Variants in EYS observed in about 807,000 individuals in gnomAD.
EYS encodes the protein EGF-like photoreceptor maintenance factor.
A neutral mutation model predicts 282.1 loss-of-function variants in EYS; 250 were observed. The ratio of observed to expected loss-of-function variants is 0.89; its 90% CI spans 0.80 to 0.98. The LOEUF (loss-of-function observed/expected upper bound fraction) is 0.98, where lower values mean the gene tolerates loss of function less well. EYS is among the 50% of genes least tolerant of loss of function. The probability of loss-of-function intolerance (pLI) is 0.00; values close to 1 mark genes in which losing one functional copy is unlikely to be tolerated. For missense variants in EYS, 4,016 were observed against 3,709.0 expected (o/e 1.08, Z -2.15); for synonymous variants, 1,355 against 1,282.9 (o/e 1.06, Z -1.20).
At chr6:64,384,498 A>T (rs1449119486) in intron 29 of EYS, among the ~76,000 whole-genome samples, 1 of 152,196 alleles carries the variant, frequency 6.6e-6, no homozygotes, top group Admixed American at 6.6e-5. Context: ...CTGCATATAT[A>T]AAAAACAAAT....
chr6:64,709,875 AT>A (rs1771149176), intron 22 of EYS, among the ~76,000 whole-genome samples: 1 of 152,208 alleles, frequency 6.6e-6, no homozygotes, highest in Non-Finnish European at 1.5e-5. Context: ...TTTTCAAAAT[AT>A]TTTTAACCTG....
intron 33 of EYS, among the ~76,000 whole-genome samples, chr6:64,025,144 T>G (rs114935500): frequency 6.6e-6 from 1 of 152,096 alleles, no homozygotes; most frequent in East Asian, 1.9e-4. Flanking sequence ...TGTCAGCCAG[T>G]TAAAAGCAAC....
At chr6:63,838,249 G>T (rs867344717) in intron 36 of EYS, among the ~76,000 whole-genome samples, 38 of 150,784 alleles carry the variant, frequency 2.5e-4, no homozygotes, top group African/African-American at 9.0e-4. Flanking sequence ...CTTTTAGCCT[G>T]CCGTGTAATT....
chr6:64,081,779 G>A (rs1003977970), intron 32 of EYS, 77 bp downstream of exon 32: 1 of 1,196,276 alleles, frequency 8.4e-7, no homozygotes, highest in Admixed American at 3.0e-5. Flanking sequence ...ATATTTAAAT[G>A]AATAAATCAT....
At chr6:64,692,080 C>G (rs1479588893) in intron 22 of EYS, among the ~76,000 whole-genome samples, 1 of 152,106 alleles carries the variant, frequency 6.6e-6, no homozygotes, top group Non-Finnish European at 1.5e-5. Flanking sequence ...ATCCACACTG[C>G]TTTCTACAGT....
intron 12 of EYS, among the ~76,000 whole-genome samples, chr6:65,141,076 A>G (rs1413664772): frequency 2.6e-5 from 4 of 151,894 alleles, no homozygotes; most frequent in Non-Finnish European, 4.4e-5. Flanking sequence ...ACGATAGCAA[A>G]GACTTGGAAC....
In EYS at chr6:64,886,861, A is replaced by C. The variant is rs1292484166; in HGVS notation, c.2847-19T>G. 6.9e-7 allele frequency: 1 copy of C among 1,452,248 alleles called. No individual in the cohort carries two copies. The highest frequency in any genetic ancestry group is 1.4e-5 in the South Asian group (1 of 73,716). The allele number at this position is 1,452,248 out of a possible 1,614,324, so 90.0% of individuals were successfully genotyped here. A position where few individuals can be genotyped will look rare whatever the true frequency, so the allele number is the denominator to read the frequency against. On this transcript the variant is annotated intron_variant, in intron 18 of 42. Coordinates refer to ENST00000503581, the MANE Select transcript of EYS (RefSeq NM_001142800.2). ...AAAAAATCTGGAGAAAAGTGGAGAA[A>C]TGAGGAATAGCCATGTAACAATGAT...
At chr6:64,343,873 A>T (rs906538163) in intron 29 of EYS, among the ~76,000 whole-genome samples, 5 of 152,130 alleles carry the variant, frequency 3.3e-5, no homozygotes, top group Non-Finnish European at 7.4e-5. Context: ...GATAAAGGGG[A>T]TATCACCACT....
chr6:65,352,950 C>T (rs1764342891), intron 9 of EYS, among the ~76,000 whole-genome samples: 1 of 151,930 alleles, frequency 6.6e-6, no homozygotes, highest in Non-Finnish European at 1.5e-5. Context: ...CCAGAATTCT[C>T]TCTTCTCCAA....
At chr6:64,636,565 G>A (rs944741179) in intron 22 of EYS, among the ~76,000 whole-genome samples, 1 of 152,062 alleles carries the variant, frequency 6.6e-6, no homozygotes, top group Non-Finnish European at 1.5e-5. Flanking sequence ...AAAAGCAATG[G>A]CAACAAAAGC....
In EYS at chr6:65,400,718, A is replaced by G. The variant is rs147245043; in HGVS notation, c.1184+1760T>C. ...GTTTCAGTTTCTCTCTCATCTACCC[A>G]TATAAATTTAGATCTATAGCATATG... is the stretch of plus-strand genomic sequence containing the variant. On this transcript the variant is annotated intron_variant, in intron 7 of 42. Coordinates refer to ENST00000503581, the MANE Select transcript of EYS (RefSeq NM_001142800.2). 3.3e-5 allele frequency among the ~76,000 whole-genome samples: 5 copies of G among 152,066 alleles called. No homozygotes were observed. The East Asian group carries it at 9.7e-4, about 29-fold the overall frequency.
intron 22 of EYS, among the ~76,000 whole-genome samples, chr6:64,811,623 T>G (rs1764599202): frequency 6.6e-6 from 1 of 152,088 alleles, no homozygotes; most frequent in Non-Finnish European, 1.5e-5. Context: ...ACGGGATTTG[T>G]TCTCTCGAGA....
chr6:65,516,455 A>C (rs1035979412), intron 2 of EYS, among the ~76,000 whole-genome samples: 3 of 152,076 alleles, frequency 2.0e-5, no homozygotes, highest in African/African-American at 7.2e-5. Flanking sequence ...AACAACTTTC[A>C]GAAGTCTTGT....
At chr6:63,978,708 C>G (rs1766955106) in intron 35 of EYS, among the ~76,000 whole-genome samples, 1 of 151,824 alleles carries the variant, frequency 6.6e-6, no homozygotes, top group African/African-American at 2.4e-5. Context: ...TACTACAGAA[C>G]AAATGGAAAA....
At chr6:65,114,357 A>G (rs1345447770) in intron 12 of EYS, among the ~76,000 whole-genome samples, 3 of 136,970 alleles carry the variant, frequency 2.2e-5, no homozygotes, top group Non-Finnish European at 4.6e-5. Context: ...AGATTTGAAA[A>G]AAAAAAAAGC....
intron 12 of EYS, among the ~76,000 whole-genome samples, chr6:65,061,032 T>C (rs1320713387): frequency 2.6e-5 from 4 of 151,728 alleles, no homozygotes; most frequent in African/African-American, 7.3e-5. Context: ...AACAAAATAA[T>C]AAAATTCCAA....
At chr6:64,762,014 G>T (rs1459611037) in intron 22 of EYS, among the ~76,000 whole-genome samples, 1 of 151,998 alleles carries the variant, frequency 6.6e-6, no homozygotes. Flanking sequence ...ATGAATGAAT[G>T]ATATATTGTA....
intron 22 of EYS, chr6:64,733,745 G>A (rs1583093874): frequency 6.2e-6 from 1 of 162,562 alleles, no homozygotes; most frequent in Non-Finnish European, 1.4e-5. Flanking sequence ...CTCCTGGCCA[G>A]CAGTAGCGCT....
At chr6:63,824,373 A>G (rs192027866) in intron 36 of EYS, among the ~76,000 whole-genome samples, 80 of 152,348 alleles carry the variant, frequency 5.3e-4, no homozygotes, top group Admixed American at 2.6e-4. Flanking sequence ...GGCTTTTCAA[A>G]TTAATGAGAA....
Sources: gnomAD v4.1 joint callset for allele counts (sites outside exome capture counted in the v4.1 genomes callset) on GRCh38, gnomAD v4.1.1 for gene constraint, MANE v1.5 for transcripts, NCBI Gene and HGNC (gene_info 2026-07-23, HGNC 2026-07-21) for gene names.